Variants in TBC1D30 observed in about 807,000 individuals in gnomAD.
TBC1D30 encodes TBC1 domain family, member 30.
A neutral mutation model predicts 63.2 loss-of-function variants in TBC1D30; 31 were observed. The ratio of observed to expected loss-of-function variants is 0.49; its 90% CI spans 0.37 to 0.66. The LOEUF (loss-of-function observed/expected upper bound fraction) is 0.66. Ranked by LOEUF, TBC1D30 falls within the 30% of genes least tolerant of loss-of-function variation. TBC1D30 has a pLI of 0.00. For missense variants in TBC1D30, 810 were observed against 953.6 expected (o/e 0.85, Z 1.98); for synonymous variants, 307 against 361.5 (o/e 0.85, Z 1.71).
At chr12:64,867,595 T>C (rs1878332710) in intron 10 of TBC1D30, among the ~76,000 whole-genome samples, 1 of 152,220 alleles carries the variant, frequency 6.6e-6, no homozygotes, top group Non-Finnish European at 1.5e-5. Context: ...TTTGCTCCCA[T>C]GCATTGGATT....
At chr12:64,808,757 C>G (rs943587602) in intron 2 of TBC1D30, among the ~76,000 whole-genome samples, 2 of 152,156 alleles carry the variant, frequency 1.3e-5, no homozygotes, top group Admixed American at 6.5e-5. Flanking sequence ...TCCCCAGCCC[C>G]TGGCAACCCC....
At chr12:64,815,413 G>C (rs1161552619) in intron 2 of TBC1D30, among the ~76,000 whole-genome samples, 1 of 152,124 alleles carries the variant, frequency 6.6e-6, no homozygotes, top group Non-Finnish European at 1.5e-5. Context: ...AAGCAAATGT[G>C]GAAGCAGGAA....
chr12:64,797,587 C>T (rs1364333029), intron 2 of TBC1D30, among the ~76,000 whole-genome samples: 1 of 152,210 alleles, frequency 6.6e-6, no homozygotes, highest in Non-Finnish European at 1.5e-5. Flanking sequence ...ACCAGCCTCA[C>T]AGACACCCTT....
chr12:64,810,534 G>A (rs559334870), intron 2 of TBC1D30, among the ~76,000 whole-genome samples: 3 of 152,128 alleles, frequency 2.0e-5, no homozygotes, highest in East Asian at 1.9e-4. Context: ...ACCTGGGACC[G>A]GGAGGCTGCA....
Position 64,866,902 on chromosome 12 carries a change from A to C in TBC1D30, c.1290A>C (p.Lys430Asn). ...TGCAGAAGTACCAAAAACAAATTAA[A>C]GGTAAAGAGGTGGCTCTTGATTTAG... ...PELQKYQKQI[K>N]EPNEEQSLRS... The change falls in exon 10 of 12, where the codon AAA becomes AAC. Residue 430 changes from lysine (K) to asparagine (N), a missense_variant and splice_region_variant. Physicochemically the swap from Lys to Asn is moderately conservative, Grantham distance 94 (BLOSUM62 0). Coordinates refer to ENST00000539867, the MANE Select transcript of TBC1D30 (RefSeq NM_015279.2). The C allele has an allele frequency of 6.5e-7, 1 of 1,536,004 alleles. No individual in the cohort carries two copies. Among genetic ancestry groups the C allele is most frequent in the African/African-American group, 1.4e-5 (1 of 73,144 alleles).
At chr12:64,858,921 C>T (rs911627456) in intron 8 of TBC1D30, among the ~76,000 whole-genome samples, 31 of 151,800 alleles carry the variant, frequency 2.0e-4, no homozygotes, top group Non-Finnish European at 7.4e-5. Flanking sequence ...GCCTGAGGGG[C>T]AGGGGTGGAG....
At chr12:64,815,801 T>C (rs1873491252) in intron 2 of TBC1D30, among the ~76,000 whole-genome samples, 1 of 152,112 alleles carries the variant, frequency 6.6e-6, no homozygotes, top group Admixed American at 6.5e-5. Context: ...TTTTTTCTTT[T>C]TTGAGACAGA....
intron 7 of TBC1D30, among the ~76,000 whole-genome samples, chr12:64,840,626 AT>A (rs1388098217): frequency 6.6e-6 from 1 of 152,210 alleles, no homozygotes; most frequent in Non-Finnish European, 1.5e-5. Context: ...TGTCATCTCC[AT>A]TTTATAGATG....
At chr12:64,780,380 G>A (rs1424774459), upstream of TBC1D30, among the ~76,000 whole-genome samples, 1 of 152,222 alleles carries the variant, frequency 6.6e-6, no homozygotes, top group Non-Finnish European at 1.5e-5. Flanking sequence ...TTTCTAGCTG[G>A]CGGCTGAATA....
chr12:64,852,607 C>T (rs975707131), intron 8 of TBC1D30, among the ~76,000 whole-genome samples: 2 of 152,082 alleles, frequency 1.3e-5, no homozygotes, highest in Non-Finnish European at 2.9e-5. Context: ...GCTGGTTTTC[C>T]CTCATTTTCA....
intron 7 of TBC1D30, among the ~76,000 whole-genome samples, chr12:64,839,557 A>T (rs1383113382): frequency 6.6e-6 from 1 of 152,260 alleles, no homozygotes; most frequent in Non-Finnish European, 1.5e-5. Context: ...TTCTGGAGCT[A>T]TAAATGACGA....
chr12:64,879,396 C>G lies in TBC1D30; in HGVS notation c.*3608C>G, dbSNP rs1048933591. 6.6e-6 allele frequency: 1 copy of G among 152,052 alleles called. No individual in the cohort carries two copies. Among genetic ancestry groups the G allele is most frequent in the Non-Finnish European group, 1.5e-5 (1 of 68,012 alleles). 9.4% of individuals were successfully genotyped at this position (152,052 alleles called of 1,614,324 possible). A position where few individuals can be genotyped will look rare whatever the true frequency, so the allele number is the denominator to read the frequency against. ...TCCTGTTACATGTATGTACATAGCC[C>G]GAATTATTTTCTTAGGATATGCGTA... On this transcript the variant is annotated 3_prime_UTR_variant, in exon 12 of 12. Coordinates refer to ENST00000539867, the MANE Select transcript of TBC1D30 (RefSeq NM_015279.2).
At chr12:64,874,752 T>A (rs963999098) in intron 11 of TBC1D30, among the ~76,000 whole-genome samples, 2 of 151,816 alleles carry the variant, frequency 1.3e-5, no homozygotes, top group African/African-American at 4.8e-5. Context: ...GAATGAGGGG[T>A]CAGATGTTCC....
exon 1 of TBC1D30, chr12:64,781,120 G>A: frequency 9.9e-7 from 1 of 1,005,584 alleles, no homozygotes; most frequent in Non-Finnish European, 1.2e-6. Context: ...GGGGCCGCGG[G>A]GCCGAGGGCC....
At chr12:64,809,388 T>C (rs1027820252) in intron 2 of TBC1D30, among the ~76,000 whole-genome samples, 1 of 152,328 alleles carries the variant, frequency 6.6e-6, no homozygotes, top group Non-Finnish European at 1.5e-5. Context: ...CTTAGAATAA[T>C]GGTCTCCAGC....
Position 64,828,471 on chromosome 12 carries a change from A to G in TBC1D30, c.244A>G (p.Arg82Gly). The change falls in exon 3 of 12, where the codon AGG becomes GGG. Residue 82 changes from arginine (R) to glycine (G), a missense_variant. Around this residue, in one of 4 missense-constraint regions of TBC1D30, gnomAD observed 272 missense variants for 335.9 expected, o/e 0.81. Transcript: ENST00000539867. ...QWYDALKAVARLSTGIPKEWR... is the reference protein window; with the variant it reads ...QWYDALKAVAGLSTGIPKEWR... The stretch of plus-strand genomic sequence containing the variant: ...GTACGATGCTCTCAAGGCAGTTGCC[A>G]GGCTATCCACAGGAATACCAAAGGA... 10 of 1,535,986 alleles carry G rather than the reference A, an allele frequency of 6.5e-6. No homozygotes were observed. Among genetic ancestry groups the G allele is most frequent in the Non-Finnish European group, 8.7e-6 (10 of 1,146,790 alleles).
In TBC1D30 at chr12:64,864,669, C is replaced by T; in HGVS notation, c.1040C>T (p.Thr347Ile). The T allele has an allele frequency of 6.5e-7, 1 of 1,535,262 alleles. No individual in the cohort carries two copies. The highest frequency in any genetic ancestry group is 1.4e-5 in the African/African-American group (1 of 73,136). The change falls in exon 9 of 12, where the codon ACT becomes ATT. Residue 347 changes from threonine (T) to isoleucine (I), a missense_variant and splice_region_variant. Coordinates refer to ENST00000539867, the MANE Select transcript of TBC1D30 (RefSeq NM_015279.2). Reference protein sequence around the residue: ...DLLQSHELMQTVYSMAPFPFP... With the variant: ...DLLQSHELMQIVYSMAPFPFP... ...GGCATTTTTGCTTTTGTTTTACAGA[C>T]TGTTTATTCCATGGCTCCGTTCCCT...
rs909822839 is a variant in TBC1D30 at position 64,875,228 on chromosome 12, A to C, written c.1726A>C (p.Met576Leu). ...RTHIRVHKKNMPRTKSHPGCG... is the reference protein window; with the variant it reads ...RTHIRVHKKNLPRTKSHPGCG... ...TCACATCCGAGTCCACAAAAAGAAC[A>C]TGCCAAGGACCAAGAGTCATCCGGG... The change falls in exon 12 of 12, where the codon ATG becomes CTG. Residue 576 changes from methionine (M) to leucine (L), a missense_variant. Coordinates refer to ENST00000539867, the MANE Select transcript of TBC1D30 (RefSeq NM_015279.2). The C allele has an allele frequency of 6.5e-7, 1 of 1,536,240 alleles. No individual in the cohort carries two copies. Among genetic ancestry groups the C allele is most frequent in the African/African-American group, 1.4e-5 (1 of 73,028 alleles).
intron 2 of TBC1D30, among the ~76,000 whole-genome samples, chr12:64,798,845 C>T (rs955642630): frequency 1.4e-5 from 2 of 139,510 alleles, no homozygotes; most frequent in African/African-American, 5.4e-5. Flanking sequence ...CGGAGTCTCG[C>T]TCTGTCACCC....
Sources: gnomAD v4.1 joint callset for allele counts (sites outside exome capture counted in the v4.1 genomes callset) on GRCh38, gnomAD v4.1.1 for gene constraint, gnomAD v4.1.1 regional missense constraint, MANE v1.5 for transcripts, NCBI Gene and HGNC (gene_info 2026-07-23, HGNC 2026-07-21) for gene names.